MYO5B: variants seen among roughly 807,000 people sequenced by gnomAD.
MYO5B encodes the protein myosin VB.
MYO5B carries 143 observed loss-of-function variants against 229.3 expected under a neutral mutation model. The ratio of observed to expected loss-of-function variants is 0.62; its 90% confidence interval spans 0.54 to 0.72. MYO5B has a LOEUF of 0.72. Among genes scored for constraint, MYO5B ranks in the 30% least tolerant of loss-of-function variants. The pLI is 0.00. For synonymous variants in MYO5B, 918 were observed against 885.2 expected (o/e 1.04, Z -0.66); for missense variants, 2,321 against 2,331.0 (o/e 1.00, Z 0.09).
chr18:49,911,819 C>T lies in MYO5B; in HGVS notation c.2202+243G>A, dbSNP rs62098757. On this transcript the variant is annotated intron_variant, in intron 18 of 39. Transcript: ENST00000285039. ...CTGCAGCTGGTGCCCTCGAGAGGAG[C>T]GCTGCCACAGAATTCCATTTTCTAT... Among the ~76,000 whole-genome samples the T allele has an allele frequency of 7.9e-5, 12 of 152,178 alleles. No individual in the cohort carries two copies. In the East Asian group the frequency reaches 1.9e-3, roughly 25 times the overall value.
At chr18:49,976,820 G>A (rs940681379) in intron 9 of MYO5B, among the ~76,000 whole-genome samples, 24 of 152,208 alleles carry the variant, frequency 1.6e-4, no homozygotes, top group African/African-American at 5.3e-4. Flanking sequence ...CCTGCTCCCC[G>A]ACTCCCCTAA....
chr18:49,995,497 G>A (rs7229122), intron 5 of MYO5B, among the ~76,000 whole-genome samples: 1,778 of 151,744 alleles, frequency 0.012, 38 homozygotes, highest in African/African-American at 0.041. Context: ...CTGACCTCGT[G>A]ACCCACCCAT....
At chr18:50,118,245 G>A (rs2031997900) in intron 1 of MYO5B, among the ~76,000 whole-genome samples, 1 of 152,198 alleles carries the variant, frequency 6.6e-6, no homozygotes, top group African/African-American at 2.4e-5. Flanking sequence ...AAACTAGGAT[G>A]GTTGGTCACC....
intron 1 of MYO5B, among the ~76,000 whole-genome samples, chr18:50,075,655 C>T (rs1020799179): frequency 2.0e-5 from 3 of 152,210 alleles, no homozygotes; most frequent in Non-Finnish European, 4.4e-5. Context: ...AGACAGACTA[C>T]AGGCTTTAGG....
At chr18:49,997,181 T>C (rs1261644263) in intron 5 of MYO5B, among the ~76,000 whole-genome samples, 1 of 148,098 alleles carries the variant, frequency 6.8e-6, no homozygotes, top group African/African-American at 2.5e-5. Context: ...GGTAGGAGAA[T>C]CGCTGGAGCC....
chr18:50,132,572 T>TA lies in MYO5B; in HGVS notation c.27+62194dup, dbSNP rs778772309. ...ATAGGCTGGGGAAGAAAATGAACAT[T>TA]AATACTTATTTCACTTGTGCTCAGT... is the stretch of plus-strand genomic sequence containing the variant. On this transcript the variant is annotated intron_variant, in intron 1 of 39. Coordinates refer to ENST00000285039, the MANE Select transcript of MYO5B (RefSeq NM_001080467.3). Among the ~76,000 whole-genome samples, 7 of 152,298 alleles carry TA rather than the reference T, an allele frequency of 4.6e-5. No individual in the cohort carries two copies. In the East Asian group the frequency reaches 1.2e-3, roughly 25 times the overall value.
At chr18:50,165,042 G>A (rs2032823418) in intron 1 of MYO5B, among the ~76,000 whole-genome samples, 1 of 152,200 alleles carries the variant, frequency 6.6e-6, no homozygotes, top group South Asian at 2.1e-4. Flanking sequence ...TATATGCTGG[G>A]CACAGGCCCC....
intron 2 of MYO5B, among the ~76,000 whole-genome samples, chr18:50,054,464 G>A (rs1328662704): frequency 6.6e-6 from 1 of 152,060 alleles, no homozygotes; most frequent in Non-Finnish European, 1.5e-5. Flanking sequence ...CTTTAGCACT[G>A]AGCTATCTGA....
chr18:49,975,540 T>C (rs1280633018), intron 9 of MYO5B, among the ~76,000 whole-genome samples: 1 of 152,166 alleles, frequency 6.6e-6, no homozygotes, highest in Non-Finnish European at 1.5e-5. Flanking sequence ...GAACTTTTTT[T>C]TCCCCAAGAA....
chr18:50,014,359 G>A (rs1021856259), intron 4 of MYO5B, among the ~76,000 whole-genome samples: 8 of 151,284 alleles, frequency 5.3e-5, no homozygotes, highest in African/African-American at 1.9e-4. Flanking sequence ...ATAATGCAGT[G>A]GTCTTCTTTA....
At chr18:50,157,089 T>C (rs1476213022) in intron 1 of MYO5B, among the ~76,000 whole-genome samples, 2 of 131,328 alleles carry the variant, frequency 1.5e-5, no homozygotes, top group Non-Finnish European at 3.4e-5. Flanking sequence ...CTTTTTGTTT[T>C]GTTTTTTTTT....
At chr18:49,939,151 T>C (rs1460932812) in intron 14 of MYO5B, among the ~76,000 whole-genome samples, 2 of 146,586 alleles carry the variant, frequency 1.4e-5, no homozygotes, top group Non-Finnish European at 3.0e-5. Flanking sequence ...TTTTTTTCTT[T>C]TTTTTTTTTT....
chr18:50,009,591 G>C (rs1203009657), intron 4 of MYO5B, among the ~76,000 whole-genome samples: 1 of 152,184 alleles, frequency 6.6e-6, no homozygotes, highest in Non-Finnish European at 1.5e-5. Context: ...AGAAAAGTAA[G>C]GTTGGGGAGC....
chr18:49,976,364 G>A (rs372425886), intron 9 of MYO5B, among the ~76,000 whole-genome samples: 62 of 152,138 alleles, frequency 4.1e-4, no homozygotes, highest in East Asian at 1.4e-3. Context: ...ATAATAGAAC[G>A]CCAGAATAAT....
intron 14 of MYO5B, among the ~76,000 whole-genome samples, chr18:49,951,949 G>A (rs987602932): frequency 6.6e-6 from 1 of 152,116 alleles, no homozygotes; most frequent in Non-Finnish European, 1.5e-5. Context: ...AAAAACTTAG[G>A]GAGCTGCAAG....
intron 1 of MYO5B, among the ~76,000 whole-genome samples, chr18:50,091,466 T>C (rs1038272379): frequency 1.3e-5 from 2 of 152,216 alleles, no homozygotes; most frequent in Non-Finnish European, 2.9e-5. Context: ...TAGATGGCAC[T>C]TCATAGTAAT....
chr18:49,984,129 C>CA (rs2025845160), intron 8 of MYO5B, among the ~76,000 whole-genome samples: 1 of 152,198 alleles, frequency 6.6e-6, no homozygotes, highest in Non-Finnish European at 1.5e-5. Context: ...GCTTCTCCCC[C>CA]AAAAGTGGCA....
rs549771578 is a variant in MYO5B, at chr18:49,853,906, T to G, written c.4023-259A>C. 2.4e-4 allele frequency among the ~76,000 whole-genome samples: 37 copies of G among 152,376 alleles called. No individual in the cohort carries two copies. In the South Asian group the frequency reaches 2.5e-3, roughly 10 times the overall value. ...AAGCCTTTCTCTCGACCCTTGTTCC[T>G]CATTCAGTGAGCATAGTTTAATGGT... is the stretch of plus-strand genomic sequence containing the variant. On this transcript the variant is annotated intron_variant, in intron 30 of 39. Coordinates refer to ENST00000285039, the MANE Select transcript of MYO5B (RefSeq NM_001080467.3).
At chr18:50,161,608 C>T (rs970861010) in intron 1 of MYO5B, among the ~76,000 whole-genome samples, 1 of 152,186 alleles carries the variant, frequency 6.6e-6, no homozygotes, top group Non-Finnish European at 1.5e-5. Flanking sequence ...TGCAGCCCGA[C>T]CCTGCTAGCT....
Sources: gnomAD v4.1 joint callset for allele counts (sites outside exome capture counted in the v4.1 genomes callset) on GRCh38, gnomAD v4.1.1 for gene constraint, MANE v1.5 for transcripts, NCBI Gene and HGNC (gene_info 2026-07-23, HGNC 2026-07-21) for gene names.